The following CDK19 variants were observed in gnomAD, a reference collection of about 807,000 sequenced individuals.
CDK19 encodes cyclin dependent kinase 19, also known as cyclin-dependent kinase 19.
Under a neutral mutation model 68.3 loss-of-function variants are expected in CDK19, and 20 were observed. That is an observed-to-expected ratio of 0.29 (90% confidence interval 0.21 to 0.43). The LOEUF (loss-of-function observed/expected upper bound fraction) is 0.43. Ranked by LOEUF, CDK19 falls within the 20% of genes least tolerant of loss-of-function variation. CDK19 has a pLI of 1.00. For synonymous variants in CDK19, 221 were observed against 222.8 expected, an observed-to-expected ratio of 0.99 and a Z score of 0.07; for missense variants, 339 against 623.5, an observed-to-expected ratio of 0.54 and a Z score of 4.86.
At chr6:110,810,888 T>A (rs1471932441) in intron 1 of CDK19, among the ~76,000 whole-genome samples, 1 of 150,702 alleles carries the variant, frequency 6.6e-6, no homozygotes, top group Non-Finnish European at 1.5e-5. Context: ...CTTTTCCATA[T>A]TTTTTTTTGG....
At chr6:110,634,344 G>A (rs1215996792) in intron 5 of CDK19, among the ~76,000 whole-genome samples, 3 of 152,138 alleles carry the variant, frequency 2.0e-5, no homozygotes, top group Admixed American at 2.0e-4. Context: ...AGCCTCTAGA[G>A]TAGATGGGAT....
intron 1 of CDK19, among the ~76,000 whole-genome samples, chr6:110,796,353 T>C (rs978877748): frequency 1.3e-5 from 2 of 150,898 alleles, no homozygotes; most frequent in Non-Finnish European, 3.0e-5. Context: ...AACAAACAAA[T>C]AAATAAATAA....
chr6:110,700,602 G>A (rs896525378), intron 2 of CDK19: 1 of 152,496 alleles, frequency 6.6e-6, no homozygotes, highest in African/African-American at 2.4e-5. Context: ...GTGGAGCCAG[G>A]GGTGGTGGTT....
intron 2 of CDK19, among the ~76,000 whole-genome samples, chr6:110,743,225 T>G (rs1003483836): frequency 6.6e-6 from 1 of 152,216 alleles, no homozygotes. Flanking sequence ...ATACCATCCA[T>G]GGTAAACTTG....
chr6:110,679,525 T>A (rs1771828235), intron 2 of CDK19, among the ~76,000 whole-genome samples: 1 of 152,036 alleles, frequency 6.6e-6, no homozygotes, highest in South Asian at 2.1e-4. Flanking sequence ...GGCAGGAGAA[T>A]CCCTTGAACC....
At chr6:110,781,714 C>T (rs1780837869) in intron 1 of CDK19, among the ~76,000 whole-genome samples, 1 of 151,890 alleles carries the variant, frequency 6.6e-6, no homozygotes, top group Non-Finnish European at 1.5e-5. Context: ...CGTGTTGCCA[C>T]ATCCTGGTAG....
chr6:110,719,972 G>GCCCCCCCCCCC (rs1167384607), intron 2 of CDK19, among the ~76,000 whole-genome samples: 31 of 45,548 alleles, frequency 6.8e-4, no homozygotes, highest in Admixed American at 9.4e-4. Context: ...CTTGTGATCC[G>GCCCCCCCCCCC]CCCCCCCCCC....
At chr6:110,795,631 C>T (rs1453474481) in intron 1 of CDK19, among the ~76,000 whole-genome samples, 1 of 152,064 alleles carries the variant, frequency 6.6e-6, no homozygotes, top group Non-Finnish European at 1.5e-5. Context: ...ACAACTAATA[C>T]CCTTTGACAC....
intron 1 of CDK19, among the ~76,000 whole-genome samples, chr6:110,790,459 T>G (rs950616976): frequency 6.6e-6 from 1 of 152,052 alleles, no homozygotes; most frequent in South Asian, 2.1e-4. Flanking sequence ...CACTTGAAAC[T>G]GGGAGGCAGA....
At chr6:110,784,176 A>T (rs1781032535) in intron 1 of CDK19, among the ~76,000 whole-genome samples, 1 of 151,026 alleles carries the variant, frequency 6.6e-6, no homozygotes, top group Non-Finnish European at 1.5e-5. Context: ...AAAAAAAAAA[A>T]AGGAAAGGAG....
chr6:110,687,255 G>A (rs1170413335), intron 2 of CDK19, among the ~76,000 whole-genome samples: 2 of 152,032 alleles, frequency 1.3e-5, no homozygotes, highest in African/African-American at 4.8e-5. Context: ...CATTATCAGT[G>A]GTCAGACACC....
intron 1 of CDK19, among the ~76,000 whole-genome samples, chr6:110,761,860 GGGTATTTGTGA>G (rs1186585442): frequency 6.6e-6 from 1 of 152,134 alleles, no homozygotes; most frequent in African/African-American, 2.4e-5. Flanking sequence ...ACATATTTAT[GGGTATTTGTGA>G]GGTACTTAAC....
chr6:110,712,697 G>A (rs545511672), intron 2 of CDK19, among the ~76,000 whole-genome samples: 32 of 152,302 alleles, frequency 2.1e-4, no homozygotes, highest in South Asian at 4.1e-4. Flanking sequence ...GGAGTGTGGC[G>A]AAGCAGGATA....
intron 2 of CDK19, among the ~76,000 whole-genome samples, chr6:110,743,233 T>C (rs773618490): frequency 4.6e-5 from 7 of 152,188 alleles, no homozygotes; most frequent in Admixed American, 1.3e-4. Flanking sequence ...CATGGTAAAC[T>C]TGTGTGAAAA....
chr6:110,662,605 A>AT (rs1455140636), intron 4 of CDK19, among the ~76,000 whole-genome samples: 1 of 152,240 alleles, frequency 6.6e-6, no homozygotes, highest in Non-Finnish European at 1.5e-5. Flanking sequence ...GACTACAAAA[A>AT]TTATTGAGAT....
intron 2 of CDK19, among the ~76,000 whole-genome samples, chr6:110,743,028 G>A (rs150650156): frequency 3.3e-5 from 5 of 152,170 alleles, no homozygotes; most frequent in African/African-American, 9.6e-5. Context: ...TGTTACCCCC[G>A]GAGGCCCAGC....
intron 1 of CDK19, among the ~76,000 whole-genome samples, chr6:110,778,906 T>C (rs1780603804): frequency 6.6e-6 from 1 of 151,988 alleles, no homozygotes; most frequent in African/African-American, 2.4e-5. Context: ...ACAATAAGGG[T>C]AATGGAAGCT....
At chr6:110,729,603 A>ATTTTT (rs35087722) in intron 2 of CDK19, among the ~76,000 whole-genome samples, 1 of 134,210 alleles carries the variant, frequency 7.5e-6, no homozygotes, top group South Asian at 2.4e-4. Flanking sequence ...TAATTTTTGT[A>ATTTTT]TTTTTTTTTT....
intron 2 of CDK19, among the ~76,000 whole-genome samples, chr6:110,708,305 T>C (rs548516032): frequency 6.6e-6 from 1 of 152,236 alleles, no homozygotes; most frequent in Non-Finnish European, 1.5e-5. Flanking sequence ...GCCTCCCACT[T>C]CAGCCTGATA....
Sources: gnomAD v4.1 joint callset for allele counts (sites outside exome capture counted in the v4.1 genomes callset) on GRCh38, gnomAD v4.1.1 for gene constraint, MANE v1.5 for transcripts, NCBI Gene and HGNC (gene_info 2026-07-23, HGNC 2026-07-21) for gene names.